EPHA3: variants seen among roughly 807,000 people sequenced by gnomAD.
EPHA3 encodes the protein ephrin type-A receptor 3.
In EPHA3, 42 loss-of-function variants were observed where a neutral mutation model predicts 107.1. The ratio of observed to expected loss-of-function variants is 0.39; its 90% CI spans 0.31 to 0.51. The LOEUF is 0.51. EPHA3 is among the 20% of genes least tolerant of loss of function. EPHA3 has a pLI of 0.78. For missense variants in EPHA3, 1,183 were observed against 1,211.2 expected, an observed-to-expected ratio of 0.98 and a Z score of 0.35; for synonymous variants, 461 against 424.8, an observed-to-expected ratio of 1.09 and a Z score of -1.05.
intron 7 of EPHA3, among the ~76,000 whole-genome samples, chr3:89,406,662 C>A (rs895814243): frequency 6.6e-6 from 1 of 152,062 alleles, no homozygotes; most frequent in Non-Finnish European, 1.5e-5. Flanking sequence ...AATGTGAAAC[C>A]ATTCTAAGCT....
At chr3:89,163,261 C>A (rs1345333022) in intron 2 of EPHA3, among the ~76,000 whole-genome samples, 1 of 152,006 alleles carries the variant, frequency 6.6e-6, no homozygotes, top group Non-Finnish European at 1.5e-5. Flanking sequence ...ACTTAAGCGC[C>A]TAGTACATAG....
At chr3:89,376,759 G>A (rs953928976) in intron 5 of EPHA3, among the ~76,000 whole-genome samples, 3 of 151,964 alleles carry the variant, frequency 2.0e-5, no homozygotes, top group African/African-American at 7.2e-5. Context: ...GCCACTCTTG[G>A]GATAGTTTGT....
At chr3:89,178,385 G>T (rs1705363686) in intron 2 of EPHA3, among the ~76,000 whole-genome samples, 2 of 152,030 alleles carry the variant, frequency 1.3e-5, no homozygotes, top group African/African-American at 4.8e-5. Context: ...AATGCTGTTA[G>T]CATACGTATA....
At chr3:89,288,207 A>G (rs1706134390) in intron 3 of EPHA3, among the ~76,000 whole-genome samples, 1 of 152,112 alleles carries the variant, frequency 6.6e-6, no homozygotes, top group Non-Finnish European at 1.5e-5. Context: ...CACGTAGTCA[A>G]TGTTGGATAT....
intron 3 of EPHA3, among the ~76,000 whole-genome samples, chr3:89,281,890 A>G (rs567489403): frequency 3.9e-5 from 6 of 152,342 alleles, no homozygotes; most frequent in African/African-American, 1.4e-4. Context: ...CATTGTACAT[A>G]TGTGTTAGAA....
chr3:89,191,279 T>C (rs1705709720), intron 2 of EPHA3, among the ~76,000 whole-genome samples: 1 of 151,482 alleles, frequency 6.6e-6, no homozygotes, highest in Non-Finnish European at 1.5e-5. Flanking sequence ...TAGTATTATA[T>C]TTTTATTTTT....
chr3:89,171,335 A>G (rs74427526), intron 2 of EPHA3, among the ~76,000 whole-genome samples: 2,098 of 152,300 alleles, frequency 0.014, 47 homozygotes, highest in African/African-American at 0.045. Flanking sequence ...TATGAGAACA[A>G]TAATGTCTCA....
At chr3:89,398,531 A>G (rs1708893777) in intron 6 of EPHA3, among the ~76,000 whole-genome samples, 1 of 152,218 alleles carries the variant, frequency 6.6e-6, no homozygotes, top group Admixed American at 6.5e-5. Flanking sequence ...AGCTAAAAAT[A>G]ATGTAGAGCT....
intron 2 of EPHA3, among the ~76,000 whole-genome samples, chr3:89,142,489 T>C (rs1704453313): frequency 6.6e-6 from 1 of 151,414 alleles, no homozygotes; most frequent in Non-Finnish European, 1.5e-5. Flanking sequence ...AAAAAAAATC[T>C]CATGAGTATT....
At chr3:89,449,792 C>T (rs1318641131) in intron 14 of EPHA3, among the ~76,000 whole-genome samples, 13 of 152,190 alleles carry the variant, frequency 8.5e-5, no homozygotes, top group African/African-American at 3.1e-4. Context: ...ATTTGAACTG[C>T]AGTATAACTA....
At position 89,407,283 on chromosome 3, in the gene EPHA3, G is replaced by A. The variant is rs371787296; in HGVS notation, c.1609G>A (p.Gly537Ser). 6.2e-7 allele frequency: 1 copy of A among 1,613,166 alleles called. No individual in the cohort carries two copies. The highest frequency in any genetic ancestry group is 8.5e-7 in the Non-Finnish European group (1 of 1,179,416). ...ETSPDSFSIS[G>S]ESSQVVMIAI... ...CAACCTCACAGCTTTCTCCATCTCT[G>A]GTGAAAGTAGCCAAGTGGTCATGAT... is the stretch of plus-strand genomic sequence containing the variant. Residue 537 changes from glycine to serine, a missense_variant, in exon 8 of 17, where the codon GGT (glycine) becomes AGT (serine). Physicochemically the swap from Gly to Ser is moderately conservative, Grantham distance 56. Transcript: ENST00000336596.
intron 1 of EPHA3, among the ~76,000 whole-genome samples, chr3:89,120,899 TGACCAAA>T (rs1443687499): frequency 5.9e-5 from 9 of 152,228 alleles, no homozygotes; most frequent in Admixed American, 5.9e-4. Flanking sequence ...AAATACCACC[TGACCAAA>T]GGTTTTTCAT....
rs373014214 is a variant in EPHA3 at position 89,284,295 on chromosome 3, T to C, written c.815-56621T>C. On this transcript the variant is annotated intron_variant, in intron 3 of 16. Coordinates refer to ENST00000336596, the MANE Select transcript of EPHA3 (RefSeq NM_005233.6). ...TTTTAATAGACTCAGGTAGAGTGAC[T>C]GGAGTGATTAGTGAATTGGAAGCTA... Among the ~76,000 whole-genome samples the C allele has an allele frequency of 2.7e-4, 41 of 152,254 alleles. No individual in the cohort carries two copies. In the South Asian group the frequency reaches 7.0e-3, roughly 26 times the overall value.
chr3:89,397,080 C>T (rs1473396598), intron 6 of EPHA3, among the ~76,000 whole-genome samples: 2 of 152,112 alleles, frequency 1.3e-5, no homozygotes, highest in South Asian at 4.1e-4. Flanking sequence ...ACTGTGCAAA[C>T]TGCGTAATGT....
chr3:89,435,419 G>A (rs1709647574), intron 13 of EPHA3, among the ~76,000 whole-genome samples: 2 of 147,484 alleles, frequency 1.4e-5, no homozygotes, highest in Non-Finnish European at 3.0e-5. Flanking sequence ...GGGCAACATA[G>A]CAAGACTTCA....
At chr3:89,216,289 T>A (rs1309189749) in intron 3 of EPHA3, among the ~76,000 whole-genome samples, 1 of 152,014 alleles carries the variant, frequency 6.6e-6, no homozygotes, top group East Asian at 1.9e-4. Context: ...TTCCATCATT[T>A]CATTTTCAGT....
chr3:89,160,039 C>T (rs960186807), intron 2 of EPHA3, among the ~76,000 whole-genome samples: 12 of 151,674 alleles, frequency 7.9e-5, no homozygotes, highest in South Asian at 6.2e-4. Flanking sequence ...CTAAATACTA[C>T]AATAACCCGA....
intron 15 of EPHA3, among the ~76,000 whole-genome samples, chr3:89,460,537 C>A (rs1433387847): frequency 2.7e-5 from 4 of 150,440 alleles, no homozygotes; most frequent in Admixed American, 6.6e-5. Flanking sequence ...ATAAACAATA[C>A]TCATATTTTC....
At chr3:89,372,287 G>A (rs1286032429) in intron 5 of EPHA3, among the ~76,000 whole-genome samples, 1 of 151,542 alleles carries the variant, frequency 6.6e-6, no homozygotes, top group Non-Finnish European at 1.5e-5. Flanking sequence ...TATTGAAGAG[G>A]CTTCATATAC....
Sources: gnomAD v4.1 joint callset for allele counts (sites outside exome capture counted in the v4.1 genomes callset) on GRCh38, gnomAD v4.1.1 for gene constraint, MANE v1.5 for transcripts, NCBI Gene and HGNC (gene_info 2026-07-23, HGNC 2026-07-21) for gene names.